Variants in PDE7A observed in about 807,000 individuals in gnomAD.
The protein encoded by PDE7A is phosphodiesterase 7A.
Under a neutral mutation model 64.3 loss-of-function variants are expected in PDE7A, and 39 were observed. The ratio of observed to expected loss-of-function variants is 0.61; its 90% CI spans 0.47 to 0.79. PDE7A has a LOEUF of 0.79. Among genes scored for constraint, PDE7A ranks in the 30% least tolerant of loss-of-function variants. The probability of loss-of-function intolerance (pLI) is 0.00; values close to 1 mark genes in which losing one functional copy is unlikely to be tolerated. For missense variants in PDE7A, 470 were observed against 582.8 expected (o/e 0.81, Z 1.99); for synonymous variants, 203 against 206.8 (o/e 0.98, Z 0.16).
chr8:65,749,945 G>C (rs1807856612), intron 3 of PDE7A, among the ~76,000 whole-genome samples: 1 of 152,202 alleles, frequency 6.6e-6, no homozygotes, highest in African/African-American at 2.4e-5. Flanking sequence ...CTAATGCAAA[G>C]GAATGTTAAG....
At chr8:65,762,712 A>G (rs906832786) in intron 3 of PDE7A, among the ~76,000 whole-genome samples, 1 of 152,130 alleles carries the variant, frequency 6.6e-6, no homozygotes, top group East Asian at 1.9e-4. Context: ...AATATGTCAT[A>G]CCATTTTTTT....
intron 1 of PDE7A, among the ~76,000 whole-genome samples, chr8:65,834,101 A>C (rs934948545): frequency 5.3e-5 from 8 of 152,204 alleles, no homozygotes; most frequent in African/African-American, 1.7e-4. Flanking sequence ...TTTTTCAATA[A>C]ATATACTAAG....
intron 1 of PDE7A, among the ~76,000 whole-genome samples, chr8:65,798,206 A>ATATATATATATATATATATTTTTTT: frequency 8.1e-5 from 6 of 73,804 alleles, no homozygotes; most frequent in Non-Finnish European, 1.3e-4. Context: ...ATATATATAT[A>ATATATATATATATATATATTTTTTT]TTTTTTTTTT....
At chr8:65,773,543 C>T (rs939817001) in intron 3 of PDE7A, among the ~76,000 whole-genome samples, 1 of 152,186 alleles carries the variant, frequency 6.6e-6, no homozygotes, top group Non-Finnish European at 1.5e-5. Flanking sequence ...ACCTCAAGCC[C>T]GGTTCTGCTT....
Position 65,717,473 on chromosome 8 carries a change from A to T in PDE7A, c.*1817T>A, listed in dbSNP as rs1458901344. The T allele has an allele frequency of 6.6e-6, 1 of 151,992 alleles. No individual in the cohort carries two copies. The highest frequency in any genetic ancestry group is 2.4e-5 in the African/African-American group (1 of 41,340). 9.4% of individuals were successfully genotyped at this position (151,992 alleles called of 1,614,324 possible). A position where few individuals can be genotyped will look rare whatever the true frequency, so the allele number is the denominator to read the frequency against. ...GAACAAAAGGCCTGGCTCAAAGCTG[A>T]CCTCTCCCCTGTGTTAGTCAGGACT... On this transcript the variant is annotated 3_prime_UTR_variant, in exon 13 of 13. Coordinates refer to ENST00000401827, the MANE Select transcript of PDE7A (RefSeq NM_001242318.3).
At chr8:65,764,156 G>C (rs184907595) in intron 3 of PDE7A, among the ~76,000 whole-genome samples, 4 of 152,330 alleles carry the variant, frequency 2.6e-5, no homozygotes, top group African/African-American at 7.2e-5. Context: ...ATAGAAAAGA[G>C]ATAGGAGCAT....
At chr8:65,754,202 T>C (rs1227391903) in intron 3 of PDE7A, among the ~76,000 whole-genome samples, 1 of 152,078 alleles carries the variant, frequency 6.6e-6, no homozygotes, top group Non-Finnish European at 1.5e-5. Context: ...GTTTTTCTGC[T>C]TGCTTTATAG....
rs1012994918 is a variant in PDE7A at position 65,714,563 on chromosome 8, G to C, written c.*4727C>G. 5 of 152,104 alleles carry C rather than the reference G, an allele frequency of 3.3e-5. No individual in the cohort carries two copies. Among genetic ancestry groups the C allele is most frequent in the African/African-American group, 9.7e-5 (4 of 41,414 alleles). 9.4% of individuals were successfully genotyped at this position (152,104 alleles called of 1,614,324 possible). On this transcript the variant is annotated 3_prime_UTR_variant, in exon 13 of 13. Transcript: ENST00000401827. ...CTTGCACAGACCTGTATTACTCCGT[G>C]TTTCAAATGTATGCAGATGCTACAG...
intron 3 of PDE7A, among the ~76,000 whole-genome samples, chr8:65,777,005 TGTTTAA>T (rs1809277898): frequency 6.6e-6 from 1 of 151,282 alleles, no homozygotes; most frequent in African/African-American, 2.4e-5. Flanking sequence ...TGTTTCAGAC[TGTTTAA>T]GTTTTTCTCT....
intron 1 of PDE7A, among the ~76,000 whole-genome samples, chr8:65,790,880 G>T (rs1197409123): frequency 6.6e-6 from 1 of 152,216 alleles, no homozygotes; most frequent in Non-Finnish European, 1.5e-5. Context: ...GCAGCAGAGT[G>T]TATCTTAGGC....
rs1809455758 is a variant in PDE7A, at chr8:65,782,886, T to C, written c.139-43A>G. ...CATTATAATACATGACAATTAAATA[T>C]GATACAAAATTCAACTCAACAAACA... On this transcript the variant is annotated intron_variant, in intron 1 of 12. Coordinates refer to ENST00000401827, the MANE Select transcript of PDE7A (RefSeq NM_001242318.3). The C allele has an allele frequency of 4.4e-6, 5 of 1,125,004 alleles. No homozygotes were observed. In the East Asian group the frequency reaches 9.7e-5, roughly 22 times the overall value. The allele number at this position is 1,125,004 out of a possible 1,614,324, so 69.7% of individuals were successfully genotyped here. A position where few individuals can be genotyped will look rare whatever the true frequency, so the allele number is the denominator to read the frequency against.
chr8:65,781,978 G>A (rs561855145), intron 2 of PDE7A, among the ~76,000 whole-genome samples: 1 of 152,218 alleles, frequency 6.6e-6, no homozygotes, highest in East Asian at 1.9e-4. Context: ...AAAAGGAATA[G>A]GAGTTACAAT....
At chr8:65,740,840 G>A (rs1394906866) in intron 5 of PDE7A, among the ~76,000 whole-genome samples, 2 of 151,984 alleles carry the variant, frequency 1.3e-5, no homozygotes, top group Non-Finnish European at 2.9e-5. Context: ...TCAGCATTCA[G>A]ACATGTTCTA....
chr8:65,806,565 G>T (rs1469630860), intron 1 of PDE7A, among the ~76,000 whole-genome samples: 1 of 151,948 alleles, frequency 6.6e-6, no homozygotes, highest in African/African-American at 2.4e-5. Flanking sequence ...TAACTTGGTG[G>T]GACTCCTACC....
intron 2 of PDE7A, 27 bp downstream of exon 2, chr8:65,782,756 T>A: frequency 7.7e-7 from 1 of 1,295,916 alleles, no homozygotes; most frequent in South Asian, 1.3e-5. Context: ...AATTAACTGA[T>A]ATTGGTATAA....
chr8:65,834,597 A>C (rs895077565), intron 1 of PDE7A, among the ~76,000 whole-genome samples: 1 of 152,234 alleles, frequency 6.6e-6, no homozygotes, highest in Non-Finnish European at 1.5e-5. Context: ...TCTACTCAAA[A>C]TTCTGATAAG....
At chr8:65,815,319 C>A (rs771372893) in intron 1 of PDE7A, among the ~76,000 whole-genome samples, 1 of 152,074 alleles carries the variant, frequency 6.6e-6, no homozygotes, top group African/African-American at 2.4e-5. Flanking sequence ...AAATAACATT[C>A]TAATGCAAGG....
At chr8:65,748,339 G>T (rs1807783041) in intron 3 of PDE7A, among the ~76,000 whole-genome samples, 1 of 152,100 alleles carries the variant, frequency 6.6e-6, no homozygotes, top group Non-Finnish European at 1.5e-5. Flanking sequence ...GGAGCAAAGT[G>T]GTTTATATCC....
chr8:65,757,328 T>C (rs899573234), intron 3 of PDE7A, among the ~76,000 whole-genome samples: 5 of 152,170 alleles, frequency 3.3e-5, no homozygotes, highest in African/African-American at 1.2e-4. Context: ...AAGCCAGGAA[T>C]TGTGGGCAAA....
Sources: allele counts gnomAD v4.1 joint callset (sites outside exome capture counted in the v4.1 genomes callset), GRCh38; gene constraint gnomAD v4.1.1; transcripts MANE v1.5; gene names NCBI Gene and HGNC (gene_info 2026-07-23, HGNC 2026-07-21).